Variants in ENOX1 observed in about 807,000 individuals in gnomAD.
ENOX1 encodes the protein candidate growth-related and time keeping constitutive hydroquinone (NADH) oxidase.
ENOX1 carries 42 observed loss-of-function variants against 82.5 expected under a neutral mutation model. That is an observed-to-expected ratio of 0.51 (90% CI 0.40 to 0.66). ENOX1 has a LOEUF of 0.66. Ranked by LOEUF, ENOX1 falls within the 30% of genes least tolerant of loss-of-function variation. ENOX1 has a pLI of 0.00. For synonymous variants in ENOX1, 271 were observed against 282.2 expected (o/e 0.96, Z 0.40); for missense variants, 608 against 811.6 (o/e 0.75, Z 3.05).
intron 11 of ENOX1, among the ~76,000 whole-genome samples, chr13:43,305,508 C>T (rs7992188): frequency 0.95 from 144,922 of 152,056 alleles, 69,481 homozygotes; most frequent in East Asian, 1. Context: ...GATCCTGTTA[C>T]GATGATGGCT....
chr13:43,487,249 C>T (rs556141931), intron 2 of ENOX1, among the ~76,000 whole-genome samples: 2 of 151,378 alleles, frequency 1.3e-5, no homozygotes, highest in East Asian at 1.9e-4. Context: ...TGATGGAAAA[C>T]GTGCTATGAA....
At chr13:43,715,802 T>G (rs1263741398) in intron 1 of ENOX1, among the ~76,000 whole-genome samples, 1 of 152,228 alleles carries the variant, frequency 6.6e-6, no homozygotes, top group African/African-American at 2.4e-5. Flanking sequence ...TCTCGAGCCT[T>G]GGCTTTCAGC....
At chr13:43,487,040 G>C (rs1298518765) in intron 2 of ENOX1, among the ~76,000 whole-genome samples, 1 of 152,048 alleles carries the variant, frequency 6.6e-6, no homozygotes, top group African/African-American at 2.4e-5. Flanking sequence ...GTATGGTGGT[G>C]CATGCCTGTA....
chr13:43,263,015 A>T (rs1030505954), intron 14 of ENOX1, among the ~76,000 whole-genome samples: 6 of 152,108 alleles, frequency 3.9e-5, no homozygotes, highest in African/African-American at 1.4e-4. Context: ...TTCAGATGAG[A>T]CGTAGACTTC....
chr13:43,615,390 A>C (rs2082363163), intron 2 of ENOX1, among the ~76,000 whole-genome samples: 1 of 152,170 alleles, frequency 6.6e-6, no homozygotes, highest in Admixed American at 6.5e-5. Flanking sequence ...CATACATTTC[A>C]ACAGGTGAAT....
chr13:43,288,048 G>A (rs1037573406), intron 12 of ENOX1, among the ~76,000 whole-genome samples: 1 of 152,160 alleles, frequency 6.6e-6, no homozygotes, highest in African/African-American at 2.4e-5. Context: ...CTAAAGAAAG[G>A]TGCCAAGGAA....
At chr13:43,618,082 T>C (rs2082561045) in intron 2 of ENOX1, among the ~76,000 whole-genome samples, 2 of 152,188 alleles carry the variant, frequency 1.3e-5, no homozygotes, top group East Asian at 3.8e-4. Context: ...ATGGGACTGA[T>C]TTTTTCTTAT....
At chr13:43,731,159 C>T (rs2089317293) in intron 1 of ENOX1, among the ~76,000 whole-genome samples, 1 of 152,188 alleles carries the variant, frequency 6.6e-6, no homozygotes, top group African/African-American at 2.4e-5. Context: ...TCCTCAGTCC[C>T]AAGAACCCCT....
At chr13:43,657,282 T>A (rs908793393) in intron 2 of ENOX1, among the ~76,000 whole-genome samples, 3 of 152,228 alleles carry the variant, frequency 2.0e-5, no homozygotes, top group Non-Finnish European at 4.4e-5. Flanking sequence ...GGCCCAGAGA[T>A]AACTGCTTTC....
chr13:43,447,052 G>T (rs946810677), intron 3 of ENOX1, among the ~76,000 whole-genome samples: 1 of 152,228 alleles, frequency 6.6e-6, no homozygotes, highest in African/African-American at 2.4e-5. Flanking sequence ...ACCAAAGAAA[G>T]AAAACATCTA....
At chr13:43,549,699 G>A (rs892434011) in intron 2 of ENOX1, among the ~76,000 whole-genome samples, 7 of 152,174 alleles carry the variant, frequency 4.6e-5, no homozygotes, top group Non-Finnish European at 1.0e-4. Context: ...TCTTGCAAAT[G>A]TATATATGCT....
chr13:43,303,207 G>A lies in ENOX1; in HGVS notation c.1262-4677C>T, dbSNP rs556215205. Among the ~76,000 whole-genome samples the A allele has an allele frequency of 5.3e-5, 8 of 152,342 alleles. No individual in the cohort carries two copies. In the South Asian group the frequency reaches 8.3e-4, roughly 16 times the overall value. On this transcript the variant is annotated intron_variant, in intron 11 of 16. Transcript: ENST00000690772. ...TAGCCCCTGAACACAGGAGGGCAGA[G>A]GCAGGCTGGCCTGGCAAATGTCACC... is the stretch of plus-strand genomic sequence containing the variant.
chr13:43,581,336 T>G (rs113427867), intron 2 of ENOX1, among the ~76,000 whole-genome samples: 121 of 151,082 alleles, frequency 8.0e-4, no homozygotes, highest in African/African-American at 2.8e-3. Flanking sequence ...GTTTCACCGT[T>G]TTAGCCGGGA....
At chr13:43,625,070 C>T (rs961516861) in intron 2 of ENOX1, among the ~76,000 whole-genome samples, 7 of 151,920 alleles carry the variant, frequency 4.6e-5, no homozygotes, top group African/African-American at 1.7e-4. Flanking sequence ...TAGTATTCAG[C>T]ATGCATTTCT....
intron 3 of ENOX1, among the ~76,000 whole-genome samples, chr13:43,434,884 A>C (rs1273574979): frequency 1.3e-5 from 2 of 150,120 alleles, no homozygotes; most frequent in Non-Finnish European, 3.0e-5. Flanking sequence ...ATGTATTTTG[A>C]CAATCACTGT....
chr13:43,367,331 C>T (rs571901762), intron 5 of ENOX1, among the ~76,000 whole-genome samples: 2 of 152,266 alleles, frequency 1.3e-5, no homozygotes, highest in Admixed American at 1.3e-4. Context: ...TCCTAATCCC[C>T]CATACCTATG....
At chr13:43,569,929 T>G (rs1593869875) in intron 2 of ENOX1, among the ~76,000 whole-genome samples, 2 of 152,224 alleles carry the variant, frequency 1.3e-5, no homozygotes, top group East Asian at 3.9e-4. Flanking sequence ...AGCTCTGCAC[T>G]GTTCCCATAA....
chr13:43,627,286 G>A (rs1487542489), intron 2 of ENOX1, among the ~76,000 whole-genome samples: 2 of 151,936 alleles, frequency 1.3e-5, no homozygotes, highest in Non-Finnish European at 2.9e-5. Context: ...TTATTGATAT[G>A]TTAGGGCTTC....
chr13:43,245,215 C>T (rs999435485), intron 14 of ENOX1, among the ~76,000 whole-genome samples: 4 of 152,088 alleles, frequency 2.6e-5, no homozygotes, highest in Non-Finnish European at 4.4e-5. Context: ...TTCTATTTGC[C>T]GCTGGCCTGC....
Sources: gnomAD v4.1 joint callset for allele counts (sites outside exome capture counted in the v4.1 genomes callset) on GRCh38, gnomAD v4.1.1 for gene constraint, MANE v1.5 for transcripts, NCBI Gene and HGNC (gene_info 2026-07-23, HGNC 2026-07-21) for gene names.